RARA: variants seen among roughly 807,000 people sequenced by gnomAD.
RARA encodes the protein PML-DDX5-RARA fusion.
Under a neutral mutation model 42.8 loss-of-function variants are expected in RARA, and 5 were observed. The ratio of observed to expected loss-of-function variants is 0.12; its 90% CI spans 0.06 to 0.25. The LOEUF (loss-of-function observed/expected upper bound fraction) is 0.25, where lower values mean the gene tolerates loss of function less well. RARA is among the 10% of genes least tolerant of loss of function. The pLI, the probability that RARA is intolerant of heterozygous loss-of-function variation, is 1.00. For missense variants in RARA, 402 were observed against 628.7 expected, an observed-to-expected ratio of 0.64 and a Z score of 3.86; for synonymous variants, 256 against 259.5, an observed-to-expected ratio of 0.99 and a Z score of 0.13.
rs2143457849 is a variant in RARA at position 40,348,297 on chromosome 17, T to A, written c.179-19T>A. The A allele has an allele frequency of 6.5e-7, 1 of 1,545,200 alleles. No homozygotes were observed. Among genetic ancestry groups the A allele is most frequent in the Non-Finnish European group, 8.7e-7 (1 of 1,146,174 alleles). ...GGCGACCTAGGTCTCTAACTGCCCC[T>A]CCCCTCTTCTCTCTCTAGCCATTGA... On this transcript the variant is annotated intron_variant, in intron 2 of 8. Coordinates refer to ENST00000254066, the MANE Select transcript of RARA (RefSeq NM_000964.4).
intron 1 of RARA, among the ~76,000 whole-genome samples, chr17:40,328,708 A>G (rs1160431564): frequency 6.6e-6 from 1 of 152,246 alleles, no homozygotes; most frequent in Non-Finnish European, 1.5e-5. Context: ...TGTAACCGGT[A>G]TAATGTTTTC....
chr17:40,319,252 T>G (rs1245900536), intron 1 of RARA, among the ~76,000 whole-genome samples: 1 of 152,124 alleles, frequency 6.6e-6, no homozygotes, highest in African/African-American at 2.4e-5. Flanking sequence ...GTCAGGCTGC[T>G]CCTTGCGAAA....
In RARA at chr17:40,356,148, G is replaced by A; in HGVS notation, c.1311G>A (p.Leu437=). ...PGGGGRDGGG[L]APPPGSCSPS... ...GTGGGGGGCGGGACGGGGGTGGCCT[G>A]GCCCCCCCGCCAGGCAGCTGTAGCC... Residue 437 remains leucine, a synonymous_variant, in exon 9 of 9, where the codon CTG becomes CTA. Coordinates refer to ENST00000254066, the MANE Select transcript of RARA (RefSeq NM_000964.4). The A allele has an allele frequency of 1.9e-6, 3 of 1,554,408 alleles. No individual in the cohort carries two copies. Among genetic ancestry groups the A allele is most frequent in the Non-Finnish European group, 2.6e-6 (3 of 1,149,132 alleles).
At chr17:40,335,297 G>A (rs992201790) in intron 2 of RARA, among the ~76,000 whole-genome samples, 15 of 152,084 alleles carry the variant, frequency 9.9e-5, no homozygotes, top group Non-Finnish European at 2.2e-4. Context: ...TTGGCTGGAG[G>A]GGAGAACTGA....
In RARA at chr17:40,348,291, T is replaced by A. The variant is rs749330119; in HGVS notation, c.179-25T>A. ...AAGGATGGCGACCTAGGTCTCTAAC[T>A]GCCCCTCCCCTCTTCTCTCTCTAGC... On this transcript the variant is annotated intron_variant, in intron 2 of 8. Coordinates refer to ENST00000254066, the MANE Select transcript of RARA (RefSeq NM_000964.4). 4.8e-5 allele frequency: 73 copies of A among 1,533,096 alleles called. No homozygotes were observed. In the South Asian group the frequency reaches 8.8e-4, roughly 18 times the overall value. 95.0% of individuals were successfully genotyped at this position (1,533,096 alleles called of 1,614,324 possible).
rs910877927 is a variant in RARA, at chr17:40,356,467, T to G, written c.*241T>G. ...TCAGAGGCCGAGGCCAGGAACTGAG[T>G]GAGGCCCCTGGTCCTGGGTCTCAGG... On this transcript the variant is annotated 3_prime_UTR_variant, in exon 9 of 9. Coordinates refer to ENST00000254066, the MANE Select transcript of RARA (RefSeq NM_000964.4). The G allele has an allele frequency of 4.3e-6, 3 of 696,592 alleles. No individual in the cohort carries two copies. In the African/African-American group the frequency reaches 5.2e-5, roughly 12 times the overall value. 43.2% of individuals were successfully genotyped at this position (696,592 alleles called of 1,614,324 possible). A position where few individuals can be genotyped will look rare whatever the true frequency, so the allele number is the denominator to read the frequency against.
intron 2 of RARA, among the ~76,000 whole-genome samples, chr17:40,339,298 C>G (rs1001958325): frequency 6.6e-6 from 1 of 152,188 alleles, no homozygotes; most frequent in African/African-American, 2.4e-5. Context: ...GGGGCCCTGC[C>G]TGGCACAAGT....
chr17:40,357,547 G>C lies in RARA; in HGVS notation c.*1321G>C, dbSNP rs1349305124. ...TCTGCCCCGACCTCCTTCACCAGGGGTTGGGGCCCCTTCCCCTGGAGCCCG... is the reference window on the plus strand; with the variant it reads ...TCTGCCCCGACCTCCTTCACCAGGGCTTGGGGCCCCTTCCCCTGGAGCCCG... On this transcript the variant is annotated 3_prime_UTR_variant, in exon 9 of 9. Coordinates refer to ENST00000254066, the MANE Select transcript of RARA (RefSeq NM_000964.4). 1.7e-5 allele frequency: 4 copies of C among 232,576 alleles called. No homozygotes were observed. The highest frequency in any genetic ancestry group is 3.4e-5 in the Non-Finnish European group (4 of 117,710). The allele number at this position is 232,576 out of a possible 1,614,324, so 14.4% of individuals were successfully genotyped here.
chr17:40,336,264 G>C (rs1268459191), intron 2 of RARA, among the ~76,000 whole-genome samples: 1 of 152,160 alleles, frequency 6.6e-6, no homozygotes, highest in Non-Finnish European at 1.5e-5. Context: ...ATTTTTAGTA[G>C]AGATGGGGTT....
At chr17:40,319,823 C>CGG (rs578041216) in intron 1 of RARA, among the ~76,000 whole-genome samples, 54 of 132,320 alleles carry the variant, frequency 4.1e-4, no homozygotes, top group African/African-American at 1.5e-3. Flanking sequence ...TGGAGGGGGC[C>CGG]GGGGGGGGCG....
Position 40,352,297 on chromosome 17 carries a change from GAGA to G in RARA, c.631-28_631-26del, listed in dbSNP as rs756087354. The G allele has an allele frequency of 6.4e-6, 10 of 1,564,230 alleles. No homozygotes were observed. The highest frequency in any genetic ancestry group is 7.8e-6 in the Non-Finnish European group (9 of 1,151,434). On this transcript the variant is annotated intron_variant, in intron 5 of 8. Transcript: ENST00000254066. The surrounding 1 kb of genome is among the most constrained non-coding windows in gnomAD (Gnocchi z 4.9). ...AGCCAGGCTGAGAAGGGGTGCCATGGAGAAGAAGGCCCTCACTCTCCCTCCTCC... is the reference window on the plus strand; with the variant it reads ...AGCCAGGCTGAGAAGGGGTGCCATGGAGAAGGCCCTCACTCTCCCTCCTCC...
At chr17:40,316,198 G>A (rs1381927531) in intron 1 of RARA, among the ~76,000 whole-genome samples, 1 of 152,212 alleles carries the variant, frequency 6.6e-6, no homozygotes, top group Non-Finnish European at 1.5e-5. Context: ...TTGTACACAC[G>A]GGTGCTGGTC....
rs2034683486 is a variant in RARA at position 40,357,491 on chromosome 17, C to T, written c.*1265C>T. 1 of 231,806 alleles carries T rather than the reference C, an allele frequency of 4.3e-6. No homozygotes were observed. The highest frequency in any genetic ancestry group is 8.5e-6 in the Non-Finnish European group (1 of 117,312). The allele number at this position is 231,806 out of a possible 1,614,324, so 14.4% of individuals were successfully genotyped here. On this transcript the variant is annotated 3_prime_UTR_variant, in exon 9 of 9. Coordinates refer to ENST00000254066, the MANE Select transcript of RARA (RefSeq NM_000964.4). ...ACGGGCCTACAGGGGGGTCTCCCCT[C>T]ACCCCTGCACCCCCAGCTGGGGGAG... is the stretch of plus-strand genomic sequence containing the variant.
intron 1 of RARA, among the ~76,000 whole-genome samples, chr17:40,323,802 C>T (rs1412625084): frequency 8.3e-6 from 1 of 120,948 alleles, no homozygotes; most frequent in Non-Finnish European, 1.6e-5. Context: ...GGTCTGGGGT[C>T]AGAGCCAAAA....
At chr17:40,348,256 G>T in intron 2 of RARA, 60 bp from the exon 3 acceptor site, 1 of 1,484,666 alleles carries the variant, frequency 6.7e-7, no homozygotes, top group South Asian at 1.4e-5. Flanking sequence ...GCAGGGTGGA[G>T]CTTGGTACTA....
intron 1 of RARA, among the ~76,000 whole-genome samples, chr17:40,314,782 G>A (rs906887728): frequency 6.6e-6 from 1 of 151,940 alleles, no homozygotes; most frequent in African/African-American, 2.4e-5. Context: ...GCTCTTCTCG[G>A]TAGGTGAGTC....
At chr17:40,341,244 G>A in intron 2 of RARA, 2 of 1,128,972 alleles carry the variant, frequency 1.8e-6, no homozygotes, top group Non-Finnish European at 1.2e-6. Context: ...CCAGGGGCCG[G>A]TACTGGTTCC....
At chr17:40,334,382 G>C (rs1397122156) in intron 2 of RARA, among the ~76,000 whole-genome samples, 3 of 151,702 alleles carry the variant, frequency 2.0e-5, no homozygotes, top group Non-Finnish European at 4.4e-5. Flanking sequence ...TTCTCTCCCT[G>C]CCCAGACCCT....
chr17:40,330,128 G>A (rs2033653211), intron 1 of RARA, among the ~76,000 whole-genome samples: 1 of 152,206 alleles, frequency 6.6e-6, no homozygotes, highest in Non-Finnish European at 1.5e-5. Flanking sequence ...CAGTTCATGT[G>A]TTTTGCTTCT....
Sources: allele counts gnomAD v4.1 joint callset (sites outside exome capture counted in the v4.1 genomes callset), GRCh38; gene constraint gnomAD v4.1.1; non-coding constraint Gnocchi (gnomAD v3.1); transcripts MANE v1.5; gene names NCBI Gene and HGNC (gene_info 2026-07-23, HGNC 2026-07-21).